Variants in KCNIP4 observed in about 807,000 individuals in gnomAD.
KCNIP4 encodes potassium voltage-gated channel interacting protein 4.
In KCNIP4, 12 loss-of-function variants were observed where a neutral mutation model predicts 34.0. The ratio of observed to expected loss-of-function variants is 0.35; its 90% CI spans 0.23 to 0.57. The LOEUF is 0.57. Among genes scored for constraint, KCNIP4 ranks in the 20% least tolerant of loss-of-function variants. The pLI, the probability that KCNIP4 is intolerant of heterozygous loss-of-function variation, is 0.83. For synonymous variants in KCNIP4, 124 were observed against 102.2 expected (o/e 1.21, Z -1.29); for missense variants, 238 against 311.7 (o/e 0.76, Z 1.78).
chr4:21,780,029 G>A (rs1719478327), intron 1 of KCNIP4, among the ~76,000 whole-genome samples: 1 of 151,996 alleles, frequency 6.6e-6, no homozygotes, highest in African/African-American at 2.4e-5. Flanking sequence ...GAAGGAACTC[G>A]GATGCTTAGT....
intron 1 of KCNIP4, among the ~76,000 whole-genome samples, chr4:21,799,146 T>C (rs1410220377): frequency 2.0e-5 from 3 of 152,154 alleles, no homozygotes; most frequent in Admixed American, 6.6e-5. Context: ...GAGGTGCTAT[T>C]TACAGAGCTC....
At chr4:21,017,633 A>G (rs181239971) in intron 1 of KCNIP4, among the ~76,000 whole-genome samples, 1 of 152,290 alleles carries the variant, frequency 6.6e-6, no homozygotes, top group East Asian at 1.9e-4. Context: ...GCTATCGTCA[A>G]TAGTGCTGCA....
intron 1 of KCNIP4, among the ~76,000 whole-genome samples, chr4:21,601,416 A>G (rs1743145517): frequency 6.6e-6 from 1 of 151,978 alleles, no homozygotes; most frequent in African/African-American, 2.4e-5. Flanking sequence ...CAGTGTCCCA[A>G]ATATGCTGTT....
intron 1 of KCNIP4, among the ~76,000 whole-genome samples, chr4:21,581,617 G>A (rs1312899248): frequency 6.6e-6 from 1 of 151,920 alleles, no homozygotes; most frequent in East Asian, 1.9e-4. Flanking sequence ...AGTTATTAAA[G>A]GGCTTAAATC....
intron 1 of KCNIP4, among the ~76,000 whole-genome samples, chr4:21,721,564 T>C (rs1438525961): frequency 6.6e-6 from 1 of 152,186 alleles, no homozygotes; most frequent in African/African-American, 2.4e-5. Flanking sequence ...AATCAGCCAC[T>C]CAATTTTTGC....
At chr4:20,744,757 TAAAG>T (rs1266456911) in intron 5 of KCNIP4, among the ~76,000 whole-genome samples, 1 of 151,968 alleles carries the variant, frequency 6.6e-6, no homozygotes, top group Non-Finnish European at 1.5e-5. Context: ...CCCTAGAACT[TAAAG>T]AATAATAATA....
At chr4:21,136,282 C>T (rs1224303142) in intron 1 of KCNIP4, among the ~76,000 whole-genome samples, 2 of 152,126 alleles carry the variant, frequency 1.3e-5, no homozygotes, top group Non-Finnish European at 2.9e-5. Context: ...TAATGACTTG[C>T]CTGAAGAACA....
At chr4:21,730,849 A>T (rs1222535853) in intron 1 of KCNIP4, among the ~76,000 whole-genome samples, 11 of 152,124 alleles carry the variant, frequency 7.2e-5, no homozygotes, top group Admixed American at 7.2e-4. Flanking sequence ...GCAGTGGCTC[A>T]CGCCTGTAAT....
At chr4:20,949,406 G>C (rs1732535281) in intron 1 of KCNIP4, among the ~76,000 whole-genome samples, 1 of 152,198 alleles carries the variant, frequency 6.6e-6, no homozygotes, top group Admixed American at 6.5e-5. Context: ...ATGATGCAAA[G>C]ATTGGACTGT....
intron 1 of KCNIP4, among the ~76,000 whole-genome samples, chr4:21,192,279 C>A (rs1577862849): frequency 6.6e-6 from 1 of 152,092 alleles, no homozygotes; most frequent in Admixed American, 6.5e-5. Context: ...AATTCTTTTA[C>A]ACTCTTGAGG....
At chr4:21,929,645 A>G (rs979843648) in intron 1 of KCNIP4, among the ~76,000 whole-genome samples, 1 of 152,140 alleles carries the variant, frequency 6.6e-6, no homozygotes, top group Non-Finnish European at 1.5e-5. Context: ...AGAACTGCTC[A>G]GTCTATTCCT....
chr4:21,549,324 C>A (rs1321368913), intron 1 of KCNIP4, among the ~76,000 whole-genome samples: 1 of 151,894 alleles, frequency 6.6e-6, no homozygotes, highest in East Asian at 1.9e-4. Context: ...TGTGATCCCC[C>A]ATGGTGAATG....
intron 1 of KCNIP4, among the ~76,000 whole-genome samples, chr4:21,891,660 AT>A (rs1243293898): frequency 2.0e-5 from 3 of 152,114 alleles, no homozygotes; most frequent in African/African-American, 7.2e-5. Context: ...TTCATTAATC[AT>A]TTTGTGTTTT....
chr4:20,819,654 T>C (rs758363600), intron 3 of KCNIP4, among the ~76,000 whole-genome samples: 1 of 152,218 alleles, frequency 6.6e-6, no homozygotes, highest in Non-Finnish European at 1.5e-5. Flanking sequence ...AATGTGATAA[T>C]ATTAAGAGAT....
chr4:21,594,743 C>T (rs1243099487), intron 1 of KCNIP4, among the ~76,000 whole-genome samples: 1 of 152,036 alleles, frequency 6.6e-6, no homozygotes, highest in African/African-American at 2.4e-5. Context: ...GAAGCGTCTA[C>T]ATGAAAATTT....
At chr4:21,281,096 T>TG (rs933001610) in intron 1 of KCNIP4, among the ~76,000 whole-genome samples, 7 of 150,646 alleles carry the variant, frequency 4.6e-5, no homozygotes, top group African/African-American at 1.7e-4. Context: ...TCTTTTTTTT[T>TG]TTTTTTTTGA....
At chr4:21,535,475 A>AT (rs1312080688) in intron 1 of KCNIP4, among the ~76,000 whole-genome samples, 2 of 152,062 alleles carry the variant, frequency 1.3e-5, no homozygotes, top group African/African-American at 4.8e-5. Flanking sequence ...AACTCTACTG[A>AT]TTTTTTTATG....
chr4:21,902,515 G>T (rs1727763314), intron 1 of KCNIP4, among the ~76,000 whole-genome samples: 1 of 152,008 alleles, frequency 6.6e-6, no homozygotes, highest in Non-Finnish European at 1.5e-5. Flanking sequence ...AAGACCTTCT[G>T]GGAAAGAGAC....
At chr4:21,254,666 C>T (rs1760940888) in intron 1 of KCNIP4, among the ~76,000 whole-genome samples, 1 of 152,128 alleles carries the variant, frequency 6.6e-6, no homozygotes, top group East Asian at 1.9e-4. Flanking sequence ...TGCTGAGTAT[C>T]CATTATCTCT....
Sources: gnomAD v4.1 joint callset for allele counts (sites outside exome capture counted in the v4.1 genomes callset) on GRCh38, gnomAD v4.1.1 for gene constraint, MANE v1.5 for transcripts, NCBI Gene and HGNC (gene_info 2026-07-23, HGNC 2026-07-21) for gene names.